The following ERC2 variants were observed in gnomAD, a reference collection of about 807,000 sequenced individuals.
The protein encoded by ERC2 is ELKS/RAB6-interacting/CAST family member 2.
In ERC2, 42 loss-of-function variants were observed where a neutral mutation model predicts 114.8. That is an observed-to-expected ratio of 0.37 (90% CI 0.29 to 0.47). The LOEUF is 0.47. Among genes scored for constraint, ERC2 ranks in the 20% least tolerant of loss-of-function variants. The pLI is 0.99. For missense variants in ERC2, 939 were observed against 1,150.7 expected (o/e 0.82, Z 2.66); for synonymous variants, 454 against 425.5 (o/e 1.07, Z -0.82).
At chr3:55,652,603 G>A (rs2060674320) in intron 17 of ERC2, among the ~76,000 whole-genome samples, 1 of 152,162 alleles carries the variant, frequency 6.6e-6, no homozygotes, top group African/African-American at 2.4e-5. Context: ...GCCGGGTGAG[G>A]TGGCTCATGC....
intron 16 of ERC2, among the ~76,000 whole-genome samples, chr3:55,688,273 C>T (rs775377272): frequency 8.5e-5 from 13 of 152,100 alleles, no homozygotes; most frequent in African/African-American, 3.1e-4. Flanking sequence ...AGAGTGCTGA[C>T]GGCTTCTGTG....
chr3:56,460,334 T>C (rs2063255048), intron 1 of ERC2, among the ~76,000 whole-genome samples: 1 of 152,184 alleles, frequency 6.6e-6, no homozygotes, highest in Non-Finnish European at 1.5e-5. Context: ...AAGGCAGAGG[T>C]GGATTCAAAC....
chr3:55,587,206 T>G (rs564236281), intron 17 of ERC2, among the ~76,000 whole-genome samples: 10 of 152,166 alleles, frequency 6.6e-5, no homozygotes, highest in Non-Finnish European at 1.5e-4. Flanking sequence ...CAGGCTGAAG[T>G]GCAATGGCAC....
At chr3:56,385,945 G>A (rs1367800311) in intron 2 of ERC2, among the ~76,000 whole-genome samples, 5 of 152,092 alleles carry the variant, frequency 3.3e-5, no homozygotes, top group African/African-American at 1.2e-4. Context: ...GGTTCTTAGG[G>A]CATCCACTGT....
At chr3:56,108,862 T>TA (rs1338101000) in intron 6 of ERC2, among the ~76,000 whole-genome samples, 2 of 152,056 alleles carry the variant, frequency 1.3e-5, no homozygotes, top group Non-Finnish European at 2.9e-5. Context: ...CAGGCTGACA[T>TA]ACAGTCCCCA....
chr3:55,879,293 TGA>T (rs2063013869), intron 14 of ERC2, among the ~76,000 whole-genome samples: 1 of 152,086 alleles, frequency 6.6e-6, no homozygotes, highest in Admixed American at 6.6e-5. Flanking sequence ...GCAAAACAGG[TGA>T]GAGTGTTCCT....
intron 17 of ERC2, among the ~76,000 whole-genome samples, chr3:55,676,409 G>A (rs73831418): frequency 0.02 from 3,078 of 150,888 alleles, 114 homozygotes; most frequent in African/African-American, 0.071. Context: ...AGACTTTTGG[G>A]CTGGCTGGTT....
chr3:55,952,160 C>G (rs11923362), intron 12 of ERC2, among the ~76,000 whole-genome samples: 9,208 of 72,676 alleles, frequency 0.13, 879 homozygotes, highest in East Asian at 0.25. Context: ...CACACACACA[C>G]ACACACACAC....
intron 12 of ERC2, among the ~76,000 whole-genome samples, chr3:55,966,865 C>G (rs1226247063): frequency 6.6e-6 from 1 of 152,198 alleles, no homozygotes; most frequent in African/African-American, 2.4e-5. Context: ...CTTCTCACCA[C>G]AGAAAACTCA....
chr3:55,701,977 A>G (rs1423893049), intron 15 of ERC2, among the ~76,000 whole-genome samples: 1 of 152,222 alleles, frequency 6.6e-6, no homozygotes, highest in African/African-American at 2.4e-5. Context: ...GCCTAAATGA[A>G]CAAATAATAA....
At chr3:55,592,911 G>A (rs1290644805) in intron 17 of ERC2, among the ~76,000 whole-genome samples, 1 of 152,172 alleles carries the variant, frequency 6.6e-6, no homozygotes, top group Non-Finnish European at 1.5e-5. Flanking sequence ...ATGCACATAG[G>A]TATAACAGTG....
At chr3:55,757,533 A>T (rs2067138395) in intron 14 of ERC2, among the ~76,000 whole-genome samples, 1 of 152,198 alleles carries the variant, frequency 6.6e-6, no homozygotes, top group African/African-American at 2.4e-5. Context: ...CAATATCATA[A>T]GATTCAGCTT....
In ERC2 at chr3:56,378,586, AC is replaced by A. The variant is rs749404658; in HGVS notation, c.657+55764del. ...TAAAGTATAATAAAAAAAAAAAAAA[AC>A]AAAGGCAGCAATCTGAAACTGGTTC... On this transcript the variant is annotated intron_variant, in intron 2 of 17. Coordinates refer to ENST00000288221, the MANE Select transcript of ERC2 (RefSeq NM_015576.3). Among the ~76,000 whole-genome samples the A allele has an allele frequency of 9.7e-5, 13 of 133,870 alleles. No individual in the cohort carries two copies. In the East Asian group the frequency reaches 1.4e-3, roughly 15 times the overall value. The allele number at this position is 133,870 out of a possible 152,430, so 87.8% of individuals were successfully genotyped here. A position where few individuals can be genotyped will look rare whatever the true frequency, so the allele number is the denominator to read the frequency against.
At chr3:55,576,561 T>A (rs1213368914) in intron 17 of ERC2, among the ~76,000 whole-genome samples, 2 of 152,208 alleles carry the variant, frequency 1.3e-5, no homozygotes, top group Non-Finnish European at 2.9e-5. Context: ...TTAGCATATG[T>A]GTGCTGCTGC....
intron 17 of ERC2, among the ~76,000 whole-genome samples, chr3:55,567,677 T>C (rs2056459085): frequency 6.6e-6 from 1 of 152,046 alleles, no homozygotes; most frequent in Non-Finnish European, 1.5e-5. Context: ...GCCAAGGTTT[T>C]TCAGGAGGAG....
At chr3:55,552,983 T>C (rs1559642587) in intron 17 of ERC2, among the ~76,000 whole-genome samples, 1 of 150,104 alleles carries the variant, frequency 6.7e-6, no homozygotes, top group Non-Finnish European at 1.5e-5. Context: ...TAATAATTTC[T>C]GTGTCGTTAT....
At chr3:55,635,276 T>C (rs1199556030) in intron 17 of ERC2, among the ~76,000 whole-genome samples, 1 of 152,162 alleles carries the variant, frequency 6.6e-6, no homozygotes, top group Non-Finnish European at 1.5e-5. Context: ...TTTAGACAAA[T>C]CCTCCAAGAT....
At chr3:55,934,440 T>C (rs898068230) in intron 13 of ERC2, among the ~76,000 whole-genome samples, 1 of 152,224 alleles carries the variant, frequency 6.6e-6, no homozygotes, top group African/African-American at 2.4e-5. Context: ...TGAGAAGTCA[T>C]TGATTCATAC....
chr3:55,630,152 A>G (rs2059687954), intron 17 of ERC2, among the ~76,000 whole-genome samples: 1 of 152,218 alleles, frequency 6.6e-6, no homozygotes. Context: ...ACTATCAGAC[A>G]AGACACTTTT....
Sources: gnomAD v4.1 joint callset for allele counts (sites outside exome capture counted in the v4.1 genomes callset) on GRCh38, gnomAD v4.1.1 for gene constraint, MANE v1.5 for transcripts, NCBI Gene and HGNC (gene_info 2026-07-23, HGNC 2026-07-21) for gene names.